The following GIPC1 variants were observed in gnomAD, a reference collection of about 807,000 sequenced individuals.
The protein encoded by GIPC1 is PDZ domain-containing protein GIPC1.
In GIPC1, 15 loss-of-function variants were observed where a neutral mutation model predicts 28.5. The observed-to-expected ratio is 0.53, with a 90% CI of 0.35 to 0.81. The LOEUF (loss-of-function observed/expected upper bound fraction) is 0.81. GIPC1 is among the 30% of genes least tolerant of loss of function. GIPC1 has a pLI of 0.01. For synonymous variants in GIPC1, 224 were observed against 206.1 expected (o/e 1.09, Z -0.74); for missense variants, 439 against 481.9 (o/e 0.91, Z 0.83).
intron 1 of GIPC1, among the ~76,000 whole-genome samples, chr19:14,494,810 T>C (rs1184964212): frequency 6.6e-6 from 1 of 152,024 alleles, no homozygotes; most frequent in African/African-American, 2.4e-5. Flanking sequence ...AACACAGAGA[T>C]GAAGAGCCAC....
In GIPC1 at chr19:14,484,096, GTTCAAGTGATTC is replaced by G. The variant is rs1264181838; in HGVS notation, c.-30-1102_-30-1091del. 2.0e-5 allele frequency among the ~76,000 whole-genome samples: 3 copies of G among 148,222 alleles called. No individual in the cohort carries two copies. In the East Asian group the frequency reaches 5.9e-4, roughly 29 times the overall value. On this transcript the variant is annotated intron_variant, in intron 3 of 8. Coordinates refer to ENST00000393033, the MANE Select transcript of GIPC1 (RefSeq NM_005716.4). ...ACTCACTGCAACCTCTGCCTCTCAG[GTTCAAGTGATTC>G]TTGAAGAAGAGACCCTGACTCTTTT...
chr19:14,488,506 C>A (rs1181224939), intron 3 of GIPC1, among the ~76,000 whole-genome samples: 2 of 151,908 alleles, frequency 1.3e-5, no homozygotes, highest in Non-Finnish European at 2.9e-5. Context: ...GTAATCCCAG[C>A]ACTTTGGAAG....
chr19:14,482,665 G>C (rs375451283), intron 4 of GIPC1, 24 bp downstream of exon 4: 54 of 1,609,018 alleles, frequency 3.4e-5, no homozygotes, highest in Non-Finnish European at 4.2e-5. Context: ...CAGGGACCCT[G>C]GTGCCCGGCT....
At chr19:14,484,406 G>A (rs1477726592) in intron 3 of GIPC1, among the ~76,000 whole-genome samples, 1 of 151,766 alleles carries the variant, frequency 6.6e-6, no homozygotes, top group African/African-American at 2.4e-5. Context: ...AAAGCGCTGG[G>A]ATTAAAAGCG....
chr19:14,482,513 C>A, intron 4 of GIPC1, 176 bp downstream of exon 4: 1 of 651,908 alleles, frequency 1.5e-6, no homozygotes, highest in Non-Finnish European at 2.7e-6. Flanking sequence ...GCACAAGCCT[C>A]CCAGTGCCTC....
chr19:14,494,722 A>G (rs1194332425), intron 1 of GIPC1, among the ~76,000 whole-genome samples: 2 of 152,122 alleles, frequency 1.3e-5, no homozygotes, highest in African/African-American at 2.4e-5. Flanking sequence ...CATCCTTGAA[A>G]CAGCCCCCTA....
intron 1 of GIPC1, among the ~76,000 whole-genome samples, chr19:14,495,097 C>T (rs1040668658): frequency 1.3e-5 from 2 of 152,158 alleles, no homozygotes; most frequent in Non-Finnish European, 2.9e-5. Context: ...CCGGGGAGAA[C>T]GCCTACTTCC....
At chr19:14,494,277 A>G (rs557049537) in intron 1 of GIPC1, among the ~76,000 whole-genome samples, 2 of 151,914 alleles carry the variant, frequency 1.3e-5, no homozygotes, top group South Asian at 4.2e-4. Context: ...TTTTTAGTAG[A>G]GACAGGGTTT....
intron 3 of GIPC1, among the ~76,000 whole-genome samples, chr19:14,484,066 T>TC (rs2071786888): frequency 2.0e-5 from 3 of 151,534 alleles, no homozygotes; most frequent in Admixed American, 2.0e-4. Flanking sequence ...AACGGTGTGA[T>TC]CTTGACTCAC....
chr19:14,481,221 C>T (rs1423599498), intron 4 of GIPC1, among the ~76,000 whole-genome samples: 1 of 152,146 alleles, frequency 6.6e-6, no homozygotes, highest in Non-Finnish European at 1.5e-5. Context: ...ATCCTCCTGT[C>T]TCAGTCTCCC....
chr19:14,495,099 C>G (rs1041073611), intron 1 of GIPC1, among the ~76,000 whole-genome samples: 8 of 152,140 alleles, frequency 5.3e-5, no homozygotes, highest in African/African-American at 1.7e-4. Flanking sequence ...GGGGAGAACG[C>G]CTACTTCCCA....
At chr19:14,485,507 T>C (rs1395504007) in intron 3 of GIPC1, among the ~76,000 whole-genome samples, 1 of 151,260 alleles carries the variant, frequency 6.6e-6, no homozygotes, top group Non-Finnish European at 1.5e-5. Context: ...AAAACTTAGC[T>C]GGGCATGGTG....
intron 3 of GIPC1, 62 bp from the exon 4 acceptor site, chr19:14,483,068 A>C: frequency 8.7e-7 from 1 of 1,151,544 alleles, no homozygotes; most frequent in Non-Finnish European, 1.2e-6. Context: ...CTCCCACACT[A>C]CTCGAACCAT....
At chr19:14,485,346 C>CT (rs1215206344) in intron 3 of GIPC1, among the ~76,000 whole-genome samples, 2 of 125,520 alleles carry the variant, frequency 1.6e-5, no homozygotes, top group African/African-American at 3.0e-5. Context: ...TCACACCCGA[C>CT]TATTTTTTTT....
rs1454466737 is a variant in GIPC1, at chr19:14,496,070, CGCCGCT to C, written c.-214_-209del. The C allele has an allele frequency of 5.8e-4, 144 of 247,504 alleles. No homozygotes were observed. Among genetic ancestry groups the C allele is most frequent in the African/African-American group, 3.1e-3 (123 of 40,108 alleles). 15.3% of individuals were successfully genotyped at this position (247,504 alleles called of 1,614,324 possible). A position where few individuals can be genotyped will look rare whatever the true frequency, so the allele number is the denominator to read the frequency against. ...CCGCCGCCGCCGCCGCCGCCGCCGC[CGCCGCT>C]GCCTCCGCCTCCCCGTGCGCACCCG... On this transcript the variant is annotated 5_prime_UTR_variant, in exon 1 of 9. Transcript: ENST00000393033.
At position 14,489,331 on chromosome 19, in the gene GIPC1, G is replaced by A. The variant is rs1479193249; in HGVS notation, c.-31+2325C>T. The A allele has an allele frequency of 1.1e-4, 89 of 774,218 alleles. No individual in the cohort carries two copies. In the East Asian group the frequency reaches 1.7e-3, roughly 15 times the overall value. The allele number at this position is 774,218 out of a possible 1,614,324, so 48.0% of individuals were successfully genotyped here. ...AAGATGCTGGGCCTACCGCGGTAGC[G>A]TGAGGGAAGCCGTGCGTTCTGTTCC... On this transcript the variant is annotated intron_variant, in intron 3 of 8. Transcript: ENST00000393033.
At position 14,478,372 on chromosome 19, in the gene GIPC1, A is replaced by C; in HGVS notation, c.*44T>G. 2 of 1,547,696 alleles carry C rather than the reference A, an allele frequency of 1.3e-6. No individual in the cohort carries two copies. Among genetic ancestry groups the C allele is most frequent in the Non-Finnish European group, 1.7e-6 (2 of 1,143,236 alleles). On this transcript the variant is annotated 3_prime_UTR_variant, in exon 9 of 9. Transcript: ENST00000393033. This position sits in a 1 kb window ranked among gnomAD's most constrained non-coding sequence, Gnocchi z 5.2. ...GTCAGTGTCCCTGCTGGGGGCCCCC[A>C]CCAGGTTGCGCCCGGGTCATCATCG...
intron 4 of GIPC1, chr19:14,482,446 T>C (rs2071748261): frequency 1.7e-6 from 1 of 585,620 alleles, no homozygotes; most frequent in Non-Finnish European, 3.0e-6. Context: ...GGTCTCCCAG[T>C]GCCTGATGGG....
chr19:14,482,728 A>G lies in GIPC1; in HGVS notation c.249T>C (p.Tyr83=). 1 of 1,611,652 alleles carries G rather than the reference A, an allele frequency of 6.2e-7. No homozygotes were observed. The highest frequency in any genetic ancestry group is 8.5e-7 in the Non-Finnish European group (1 of 1,179,938). Reference sequence around the variant, plus strand: ...GGCGGAAGGCCTCGGCGATCTTGCCATACAGCTCCTTGACGTTGGTGAAGC... The same window carrying G: ...GGCGGAAGGCCTCGGCGATCTTGCCGTACAGCTCCTTGACGTTGGTGAAGC... ...IEGFTNVKEL[Y]GKIAEAFRLP... Residue 83 remains tyrosine (Y), a synonymous_variant, in exon 4 of 9, where the codon TAT becomes TAC. Transcript: ENST00000393033.
Sources: allele counts gnomAD v4.1 joint callset (sites outside exome capture counted in the v4.1 genomes callset), GRCh38; gene constraint gnomAD v4.1.1; non-coding constraint Gnocchi (gnomAD v3.1); transcripts MANE v1.5; gene names NCBI Gene and HGNC (gene_info 2026-07-23, HGNC 2026-07-21).